CTNNA2: variants seen among roughly 807,000 people sequenced by gnomAD.
CTNNA2 encodes catenin alpha-2.
CTNNA2 carries 42 observed loss-of-function variants against 101.0 expected under a neutral mutation model. That is an observed-to-expected ratio of 0.42 (90% CI 0.32 to 0.54). The LOEUF (loss-of-function observed/expected upper bound fraction) is 0.54. CTNNA2 is among the 20% of genes least tolerant of loss of function. CTNNA2 has a pLI of 0.14. For missense variants in CTNNA2, 871 were observed against 1,223.1 expected (o/e 0.71, Z 4.29); for synonymous variants, 450 against 456.4 (o/e 0.99, Z 0.18).
chr2:79,846,995 T>C (rs1680277224), intron 3 of CTNNA2, among the ~76,000 whole-genome samples: 1 of 152,200 alleles, frequency 6.6e-6, no homozygotes, highest in South Asian at 2.1e-4. Flanking sequence ...CTTGAATGAT[T>C]AGTAGATATT....
intron 8 of CTNNA2, among the ~76,000 whole-genome samples, chr2:80,406,202 A>G (rs1679038513): frequency 6.6e-6 from 1 of 152,142 alleles, no homozygotes; most frequent in South Asian, 2.1e-4. Context: ...CTAAAAATAC[A>G]AAGTTAGGTG....
At chr2:79,294,877 A>G (rs1675937914) in intron 2 of CTNNA2, among the ~76,000 whole-genome samples, 1 of 152,088 alleles carries the variant, frequency 6.6e-6, no homozygotes. Context: ...TGATTGACAT[A>G]TTATCTACTG....
chr2:80,501,541 A>G (rs984091798), intron 9 of CTNNA2, among the ~76,000 whole-genome samples: 1 of 152,232 alleles, frequency 6.6e-6, no homozygotes, highest in Non-Finnish European at 1.5e-5. Context: ...GAAATTCATT[A>G]AATAAGGTAA....
chr2:80,259,154 C>T (rs893089932), intron 7 of CTNNA2, among the ~76,000 whole-genome samples: 3 of 152,048 alleles, frequency 2.0e-5, no homozygotes, highest in Non-Finnish European at 4.4e-5. Flanking sequence ...CTTGATTTTG[C>T]GGTTCAACAG....
chr2:80,410,615 T>G (rs1679481067), intron 8 of CTNNA2, among the ~76,000 whole-genome samples: 2 of 152,216 alleles, frequency 1.3e-5, no homozygotes, highest in African/African-American at 4.8e-5. Flanking sequence ...AAGTGTTAAC[T>G]ATGCCTTTCA....
intron 9 of CTNNA2, among the ~76,000 whole-genome samples, chr2:80,448,755 A>G (rs552308810): frequency 6.6e-6 from 1 of 152,160 alleles, no homozygotes; most frequent in Non-Finnish European, 1.5e-5. Context: ...ATAAAATATC[A>G]TGTATCCCAG....
At chr2:79,973,268 G>A (rs918020889) in intron 7 of CTNNA2, among the ~76,000 whole-genome samples, 1 of 151,896 alleles carries the variant, frequency 6.6e-6, no homozygotes, top group African/African-American at 2.4e-5. Context: ...CGTTTTTCAT[G>A]CTGCAAGTAC....
chr2:79,206,287 G>GAA (rs561219212), intron 2 of CTNNA2, among the ~76,000 whole-genome samples: 3 of 122,436 alleles, frequency 2.5e-5, no homozygotes, highest in African/African-American at 3.1e-5. Context: ...GTTTGAATAA[G>GAA]AAAAAAAAAA....
At chr2:80,232,341 G>GTTTTTGTT (rs1286822049) in intron 7 of CTNNA2, among the ~76,000 whole-genome samples, 1 of 82,062 alleles carries the variant, frequency 1.2e-5, no homozygotes, top group African/African-American at 3.3e-5. Flanking sequence ...TTGTTTGTTT[G>GTTTTTGTT]TTTGTTTTTT....
intron 7 of CTNNA2, among the ~76,000 whole-genome samples, chr2:80,335,725 A>G (rs2149269962): frequency 6.6e-6 from 1 of 152,328 alleles, no homozygotes; most frequent in Admixed American, 6.5e-5. Flanking sequence ...CAGAATTTTC[A>G]GTGTTTCCTT....
chr2:80,200,476 C>T (rs1389913637), intron 7 of CTNNA2, among the ~76,000 whole-genome samples: 1 of 152,014 alleles, frequency 6.6e-6, no homozygotes, highest in Admixed American at 6.6e-5. Context: ...TATATGTATA[C>T]ATTTGTATTT....
chr2:80,478,368 CT>C (rs1272050587), intron 9 of CTNNA2, among the ~76,000 whole-genome samples: 2 of 152,008 alleles, frequency 1.3e-5, no homozygotes, highest in African/African-American at 4.8e-5. Context: ...TTGATTATTT[CT>C]TTTGCTGTGC....
chr2:79,281,421 C>A (rs537139462), intron 2 of CTNNA2: 1 of 152,268 alleles, frequency 6.6e-6, no homozygotes, highest in East Asian at 1.9e-4. Context: ...CTGAGCTGAC[C>A]TATATACTCA....
chr2:80,147,902 G>T (rs1309973700), intron 7 of CTNNA2, among the ~76,000 whole-genome samples: 1 of 152,184 alleles, frequency 6.6e-6, no homozygotes, highest in Non-Finnish European at 1.5e-5. Flanking sequence ...TTTTAGAGCG[G>T]ATGTACAGGG....
chr2:79,334,549 A>T (rs1160021736), intron 3 of CTNNA2, among the ~76,000 whole-genome samples: 7 of 152,176 alleles, frequency 4.6e-5, no homozygotes, highest in Admixed American at 4.6e-4. Flanking sequence ...GACAAATTTA[A>T]GAAGAGTTTG....
intron 7 of CTNNA2, among the ~76,000 whole-genome samples, chr2:80,032,935 G>A (rs1032247491): frequency 2.6e-5 from 4 of 151,788 alleles, no homozygotes; most frequent in African/African-American, 7.3e-5. Flanking sequence ...GGCGGATCAC[G>A]AGGTCAAGAG....
intron 3 of CTNNA2, among the ~76,000 whole-genome samples, chr2:79,748,774 G>A (rs938755946): frequency 4.0e-5 from 6 of 151,896 alleles, no homozygotes; most frequent in Non-Finnish European, 8.8e-5. Context: ...CTGGCTGCAT[G>A]CCAGATCTCT....
At chr2:80,414,715 G>C (rs745652878) in intron 8 of CTNNA2, among the ~76,000 whole-genome samples, 6 of 152,128 alleles carry the variant, frequency 3.9e-5, no homozygotes, top group African/African-American at 1.2e-4. Context: ...AAAGACACAG[G>C]GTGCCTTAAC....
chr2:80,193,276 A>T (rs1384971681), intron 7 of CTNNA2, among the ~76,000 whole-genome samples: 1 of 152,224 alleles, frequency 6.6e-6, no homozygotes, highest in South Asian at 2.1e-4. Flanking sequence ...ATGTACATCA[A>T]GTGTTTGGTG....
Sources: gnomAD v4.1 joint callset for allele counts (sites outside exome capture counted in the v4.1 genomes callset) on GRCh38, gnomAD v4.1.1 for gene constraint, MANE v1.5 for transcripts, NCBI Gene and HGNC (gene_info 2026-07-23, HGNC 2026-07-21) for gene names.